Variants in FAT3 observed in about 807,000 individuals in gnomAD.
FAT3 encodes the protein FAT atypical cadherin 3, also known as protocadherin Fat 3.
Under a neutral mutation model 310.2 loss-of-function variants are expected in FAT3, and 95 were observed. That is an observed-to-expected ratio of 0.31 (90% confidence interval 0.26 to 0.36). FAT3 has a LOEUF of 0.36. FAT3 is among the 10% of genes least tolerant of loss of function. The probability of loss-of-function intolerance (pLI) is 1.00; values close to 1 mark genes in which losing one functional copy is unlikely to be tolerated. For missense variants in FAT3, 5,408 were observed against 5,715.6 expected, an observed-to-expected ratio of 0.95 and a Z score of 1.74; for synonymous variants, 2,314 against 2,192.9, an observed-to-expected ratio of 1.06 and a Z score of -1.54.
In FAT3 at chr11:92,883,507, G is replaced by T; in HGVS notation, c.12937+114G>T. 2.2e-6 allele frequency: 3 copies of T among 1,337,780 alleles called. No individual in the cohort carries two copies. Among genetic ancestry groups the T allele is most frequent in the Non-Finnish European group, 3.0e-6 (3 of 993,880 alleles). 82.9% of individuals were successfully genotyped at this position (1,337,780 alleles called of 1,614,324 possible). A position where few individuals can be genotyped will look rare whatever the true frequency, so the allele number is the denominator to read the frequency against. ...ACCCCGCATGCAGAGCATTCGCTAT[G>T]ACATGTGCTGATGTCGAATGTGCAC... is the stretch of plus-strand genomic sequence containing the variant. On this transcript the variant is annotated intron_variant, in intron 24 of 27. Coordinates refer to ENST00000525166, the MANE Select transcript of FAT3 (RefSeq NM_001367949.2). This position sits in a 1 kb window ranked among gnomAD's most constrained non-coding sequence, Gnocchi z 4.2.
chr11:92,311,411 GTCTATC>G (rs1456694771), intron 1 of FAT3, among the ~76,000 whole-genome samples: 1 of 152,146 alleles, frequency 6.6e-6, no homozygotes, highest in African/African-American at 2.4e-5. Flanking sequence ...GTGTGTTACA[GTCTATC>G]TCTATTTATC....
chr11:92,598,731 G>C (rs1370555044), intron 3 of FAT3, among the ~76,000 whole-genome samples: 1 of 152,176 alleles, frequency 6.6e-6, no homozygotes, highest in Admixed American at 6.6e-5. Flanking sequence ...GGACTTTGGA[G>C]TTAGTCTGTA....
intron 1 of FAT3, among the ~76,000 whole-genome samples, chr11:92,246,189 G>T (rs1278409342): frequency 6.6e-6 from 1 of 152,032 alleles, no homozygotes; most frequent in Non-Finnish European, 1.5e-5. Flanking sequence ...AAGAAGTTTG[G>T]CAGTAAAGGA....
chr11:92,488,342 G>A (rs902385749), intron 2 of FAT3, among the ~76,000 whole-genome samples: 27 of 151,652 alleles, frequency 1.8e-4, no homozygotes, highest in African/African-American at 6.3e-4. Context: ...ACTTAGCTAA[G>A]TGGTACCCAG....
At chr11:92,677,748 C>T (rs139997439) in intron 3 of FAT3, among the ~76,000 whole-genome samples, 269 of 152,256 alleles carry the variant, frequency 1.8e-3, no homozygotes, top group Non-Finnish European at 3.2e-3. Flanking sequence ...GACTGCTGAT[C>T]GTCCAGGTTA....
At chr11:92,807,897 A>T (rs1483218139) in intron 12 of FAT3, among the ~76,000 whole-genome samples, 1 of 152,212 alleles carries the variant, frequency 6.6e-6, no homozygotes, top group Non-Finnish European at 1.5e-5. Context: ...TGACATTTTA[A>T]ATTTAAGCGT....
chr11:92,390,881 C>T (rs1442405961), intron 2 of FAT3, among the ~76,000 whole-genome samples: 2 of 152,132 alleles, frequency 1.3e-5, no homozygotes, highest in Non-Finnish European at 2.9e-5. Flanking sequence ...ACAAGTGCTT[C>T]TTCAATCTTG....
chr11:92,587,511 G>C (rs1939215658), intron 3 of FAT3, among the ~76,000 whole-genome samples: 1 of 151,926 alleles, frequency 6.6e-6, no homozygotes, highest in African/African-American at 2.4e-5. Context: ...TAGTTGCACA[G>C]ACTAAAATGT....
intron 3 of FAT3, among the ~76,000 whole-genome samples, chr11:92,586,408 C>T (rs1445611443): frequency 6.6e-6 from 1 of 151,854 alleles, no homozygotes; most frequent in East Asian, 1.9e-4. Flanking sequence ...AAAACTAAAG[C>T]CTTGTGACCA....
intron 3 of FAT3, among the ~76,000 whole-genome samples, chr11:92,543,379 T>C (rs1415943432): frequency 3.3e-5 from 5 of 152,202 alleles, no homozygotes; most frequent in African/African-American, 9.6e-5. Context: ...GTGATAGATA[T>C]GCCAATTGCT....
At chr11:92,707,654 T>C (rs1168068779) in intron 4 of FAT3, among the ~76,000 whole-genome samples, 2 of 152,208 alleles carry the variant, frequency 1.3e-5, no homozygotes, top group Non-Finnish European at 2.9e-5. Flanking sequence ...AGTGCAATGA[T>C]GGTAAATTGA....
At chr11:92,846,518 C>T (rs7126218) in intron 19 of FAT3, among the ~76,000 whole-genome samples, 7,791 of 152,156 alleles carry the variant, frequency 0.051, 668 homozygotes, top group African/African-American at 0.18. Context: ...ATGACTTCAT[C>T]AAGAAGAGAC....
chr11:92,472,407 A>G (rs1951932958), intron 2 of FAT3, among the ~76,000 whole-genome samples: 1 of 151,972 alleles, frequency 6.6e-6, no homozygotes, highest in Admixed American at 6.6e-5. Context: ...GACCTGGTGG[A>G]CTGATCAACA....
intron 3 of FAT3, among the ~76,000 whole-genome samples, chr11:92,663,801 A>AT (rs1942870175): frequency 6.6e-6 from 1 of 152,098 alleles, no homozygotes; most frequent in African/African-American, 2.4e-5. Context: ...AATTCCATTC[A>AT]TTTTTTATCT....
intron 13 of FAT3, among the ~76,000 whole-genome samples, chr11:92,814,269 A>G (rs916437229): frequency 6.6e-6 from 1 of 152,260 alleles, no homozygotes; most frequent in Non-Finnish European, 1.5e-5. Flanking sequence ...AGACAAGGAT[A>G]TAATCTGAAA....
chr11:92,567,112 A>G (rs947641171), intron 3 of FAT3, among the ~76,000 whole-genome samples: 1 of 152,092 alleles, frequency 6.6e-6, no homozygotes, highest in Admixed American at 6.6e-5. Flanking sequence ...CCTTCAAAAT[A>G]GGAGAAAATT....
intron 3 of FAT3, among the ~76,000 whole-genome samples, chr11:92,562,492 G>GTA (rs1555084267): frequency 6.6e-6 from 1 of 152,164 alleles, no homozygotes. Flanking sequence ...CTCACAATGT[G>GTA]TATAGGTCAG....
At position 92,760,580 on chromosome 11, in the gene FAT3, AG is replaced by A. The variant is rs571848113; in HGVS notation, c.3670-1275del. Among the ~76,000 whole-genome samples the A allele has an allele frequency of 7.2e-5, 11 of 152,326 alleles. No individual in the cohort carries two copies. The South Asian group carries it at 2.3e-3, about 32-fold the overall frequency. ...AAACAGAACATTAACAATTTCCAAA[AG>A]TTTAATACCTAGCTTTACCACTTAT... is the stretch of plus-strand genomic sequence containing the variant. On this transcript the variant is annotated intron_variant, in intron 4 of 27. Transcript: ENST00000525166.
At chr11:92,502,441 A>G (rs1435419453) in intron 2 of FAT3, among the ~76,000 whole-genome samples, 1 of 152,092 alleles carries the variant, frequency 6.6e-6, no homozygotes, top group African/African-American at 2.4e-5. Context: ...AATAACATCT[A>G]GGAGAAGATG....
Sources: gnomAD v4.1 joint callset for allele counts (sites outside exome capture counted in the v4.1 genomes callset) on GRCh38, gnomAD v4.1.1 for gene constraint, Gnocchi (gnomAD v3.1) non-coding constraint, MANE v1.5 for transcripts, NCBI Gene and HGNC (gene_info 2026-07-23, HGNC 2026-07-21) for gene names.